The following DNAH14 variants were observed in gnomAD, a reference collection of about 807,000 sequenced individuals.
DNAH14 encodes axonemal beta dynein heavy chain 14.
A neutral mutation model predicts 520.9 loss-of-function variants in DNAH14; 478 were observed. That is an observed-to-expected ratio of 0.92 (90% CI 0.85 to 0.99). DNAH14 has a LOEUF of 0.99. Ranked by LOEUF, DNAH14 falls within the 50% of genes least tolerant of loss-of-function variation. The probability of loss-of-function intolerance (pLI) is 0.00; values close to 1 mark genes in which losing one functional copy is unlikely to be tolerated. For synonymous variants in DNAH14, 1,581 were observed against 1,757.2 expected, an observed-to-expected ratio of 0.90 and a Z score of 2.51; for missense variants, 4,831 against 5,234.5, an observed-to-expected ratio of 0.92 and a Z score of 2.38.
At chr1:225,053,496 G>A (rs1053263044) in intron 17 of DNAH14, among the ~76,000 whole-genome samples, 3 of 152,078 alleles carry the variant, frequency 2.0e-5, no homozygotes, top group Non-Finnish European at 4.4e-5. Flanking sequence ...TTTTTGTGTG[G>A]ACCCTCTGGC....
chr1:224,966,631 G>A (rs2501157), intron 5 of DNAH14, among the ~76,000 whole-genome samples: 14,601 of 152,046 alleles, frequency 0.096, 2,263 homozygotes, highest in African/African-American at 0.33. Context: ...ACATCCCTAC[G>A]TCACCATTTC....
chr1:225,348,893 G>C (rs1166815336), intron 71 of DNAH14, among the ~76,000 whole-genome samples: 1 of 152,166 alleles, frequency 6.6e-6, no homozygotes, highest in South Asian at 2.1e-4. Flanking sequence ...CTATAATTAT[G>C]TTAATGGATA....
intron 18 of DNAH14, 70 bp from the exon 19 acceptor site, chr1:225,080,309 T>C: frequency 7.1e-7 from 1 of 1,408,626 alleles, no homozygotes; most frequent in Non-Finnish European, 9.4e-7. Context: ...TAAAATGCTT[T>C]CACTGCCAGT....
chr1:225,278,063 A>G (rs1248800822), intron 54 of DNAH14, among the ~76,000 whole-genome samples: 1 of 150,488 alleles, frequency 6.6e-6, no homozygotes, highest in Non-Finnish European at 1.5e-5. Context: ...CTCAAAAAGA[A>G]TTTTTTTTAT....
intron 38 of DNAH14, among the ~76,000 whole-genome samples, chr1:225,194,295 C>T (rs1462580225): frequency 6.6e-6 from 1 of 152,142 alleles, no homozygotes; most frequent in East Asian, 1.9e-4. Context: ...ACCAAAACAA[C>T]ATGATACTTA....
intron 27 of DNAH14, among the ~76,000 whole-genome samples, chr1:225,136,755 G>T (rs2078982755): frequency 6.6e-6 from 1 of 152,144 alleles, no homozygotes; most frequent in East Asian, 1.9e-4. Context: ...TTTCCAACTT[G>T]GTTCCATTCT....
chr1:225,246,454 G>A (rs552496108), intron 43 of DNAH14, among the ~76,000 whole-genome samples: 39 of 152,220 alleles, frequency 2.6e-4, no homozygotes, highest in African/African-American at 9.1e-4. Context: ...CCTACAGAAC[G>A]GGAGAAAATT....
intron 56 of DNAH14, 97 bp downstream of exon 56, chr1:225,301,127 T>G (rs1444170138): frequency 4.6e-6 from 6 of 1,312,114 alleles, no homozygotes; most frequent in African/African-American, 1.5e-5. Flanking sequence ...ATAATTTCTT[T>G]AGATCTTTAT....
rs1388419880 is a variant in DNAH14 at position 225,192,981 on chromosome 1, G to A, written c.5886+70G>A. On this transcript the variant is annotated intron_variant, in intron 38 of 85. Coordinates refer to ENST00000682510, the MANE Select transcript of DNAH14 (RefSeq NM_001367479.1). ...TTATTTAATTGCTTATCCAAAGACT[G>A]ATATTAAAACATCATTAGACATCTA... 15 of 1,199,324 alleles carry A rather than the reference G, an allele frequency of 1.3e-5. 1 individual carries two copies. In the African/African-American group the frequency reaches 1.4e-4, roughly 11 times the overall value. 74.3% of individuals were successfully genotyped at this position (1,199,324 alleles called of 1,614,324 possible). A position where few individuals can be genotyped will look rare whatever the true frequency, so the allele number is the denominator to read the frequency against.
At chr1:224,974,455 T>G (rs1458098156) in intron 8 of DNAH14, among the ~76,000 whole-genome samples, 1 of 152,198 alleles carries the variant, frequency 6.6e-6, no homozygotes, top group African/African-American at 2.4e-5. Flanking sequence ...ACAGTAATCT[T>G]ATTTTGTTAG....
intron 21 of DNAH14, among the ~76,000 whole-genome samples, chr1:225,086,035 G>C (rs1460595647): frequency 6.6e-6 from 1 of 151,782 alleles, no homozygotes; most frequent in East Asian, 1.9e-4. Context: ...AGAAAAATAT[G>C]ACCTTATAAC....
chr1:225,337,795 A>G (rs1358637312), intron 67 of DNAH14, among the ~76,000 whole-genome samples: 1 of 152,226 alleles, frequency 6.6e-6, no homozygotes, highest in Non-Finnish European at 1.5e-5. Context: ...AAACAGGCAT[A>G]CAATGTGTAA....
intron 76 of DNAH14, among the ~76,000 whole-genome samples, chr1:225,365,819 G>A: frequency 6.6e-6 from 1 of 152,160 alleles, no homozygotes; most frequent in Admixed American, 6.5e-5. Flanking sequence ...GGGTGTCAGA[G>A]AGGGACAGAA....
chr1:225,043,045 A>C lies in DNAH14; in HGVS notation c.1699A>C (p.Ser567Arg). ...NKDNCVKKHSSEELLPKAKKS... is the reference protein window; with the variant it reads ...NKDNCVKKHSREELLPKAKKS... Reference sequence around the variant, plus strand: ...AGACAATTGTGTCAAAAAACACTCAAGTGAAGAATTGCTCCCAAAAGCCAA... The same window carrying C: ...AGACAATTGTGTCAAAAAACACTCACGTGAAGAATTGCTCCCAAAAGCCAA... The change falls in exon 13 of 86, where the codon AGT (serine) becomes CGT (arginine). Residue 567 changes from serine to arginine, a missense_variant. By Grantham distance (110) the Ser-to-Arg change is moderately radical. Transcript: ENST00000682510. 6.4e-7 allele frequency: 1 copy of C among 1,551,744 alleles called. No homozygotes were observed. Among genetic ancestry groups the C allele is most frequent in the Non-Finnish European group, 8.7e-7 (1 of 1,147,000 alleles).
At chr1:225,039,316 A>C (rs970663598) in intron 12 of DNAH14, among the ~76,000 whole-genome samples, 1 of 152,182 alleles carries the variant, frequency 6.6e-6, no homozygotes, top group Non-Finnish European at 1.5e-5. Flanking sequence ...GCTTTTGTTC[A>C]AAGCATTTTT....
At chr1:225,212,770 G>C (rs1345547255) in intron 41 of DNAH14, among the ~76,000 whole-genome samples, 1 of 151,902 alleles carries the variant, frequency 6.6e-6, no homozygotes, top group African/African-American at 2.4e-5. Context: ...TTTTTTTCTT[G>C]TAAATTCGTT....
intron 27 of DNAH14, among the ~76,000 whole-genome samples, chr1:225,139,918 C>T (rs533034453): frequency 2.6e-5 from 4 of 152,310 alleles, no homozygotes; most frequent in East Asian, 3.9e-4. Flanking sequence ...TTGATCTGCT[C>T]ATCATGAGCT....
At position 225,043,067 on chromosome 1, in the gene DNAH14, C is replaced by T; in HGVS notation, c.1721C>T (p.Ala574Val). ...TCAAGTGAAGAATTGCTCCCAAAAG[C>T]CAAGAAATCAAAAGAAATTAGTTAC... The part of the protein sequence containing the change: ...KHSSEELLPK[A>V]KKSKEISYNL... The change falls in exon 13 of 86, where the codon GCC (alanine) becomes GTC (valine). Residue 574 changes from alanine to valine, a missense_variant. Physicochemically the swap from Ala to Val is moderately conservative, Grantham distance 64. Transcript: ENST00000682510. 6.4e-7 allele frequency: 1 copy of T among 1,551,060 alleles called. No homozygotes were observed. The highest frequency in any genetic ancestry group is 8.7e-7 in the Non-Finnish European group (1 of 1,146,858).
intron 27 of DNAH14, among the ~76,000 whole-genome samples, chr1:225,137,830 G>A (rs916001936): frequency 6.6e-6 from 1 of 152,174 alleles, no homozygotes; most frequent in African/African-American, 2.4e-5. Context: ...ACCCTTCTTT[G>A]TAGACCGCCT....
Sources: allele counts gnomAD v4.1 joint callset (sites outside exome capture counted in the v4.1 genomes callset), GRCh38; gene constraint gnomAD v4.1.1; transcripts MANE v1.5; gene names NCBI Gene and HGNC (gene_info 2026-07-23, HGNC 2026-07-21).